DAB1: variants seen among roughly 807,000 people sequenced by gnomAD.
DAB1 encodes the protein DAB adaptor protein 1.
DAB1 carries 15 observed loss-of-function variants against 64.6 expected under a neutral mutation model. The ratio of observed to expected loss-of-function variants is 0.23; its 90% confidence interval spans 0.16 to 0.36. The LOEUF (loss-of-function observed/expected upper bound fraction) is 0.36, where lower values mean the gene tolerates loss of function less well. DAB1 is among the 10% of genes least tolerant of loss of function. The pLI, the probability that DAB1 is intolerant of heterozygous loss-of-function variation, is 1.00. For synonymous variants in DAB1, 235 were observed against 251.9 expected, an observed-to-expected ratio of 0.93 and a Z score of 0.64; for missense variants, 596 against 706.7, an observed-to-expected ratio of 0.84 and a Z score of 1.78.
In DAB1 at chr1:57,438,542, GAAGT is replaced by G. The variant is rs1685784371; in HGVS notation, n.626-147380_626-147377del. Among the ~76,000 whole-genome samples, 3 of 152,138 alleles carry G rather than the reference GAAGT, an allele frequency of 2.0e-5. No homozygotes were observed. The South Asian group carries it at 6.2e-4, about 31-fold the overall frequency. On this transcript the variant is annotated intron_variant and non_coding_transcript_variant, in intron 7 of 20. Transcript: ENST00000485760. ...GACTTATTCCTCTCAATAACACCAT[GAAGT>G]AAGTGCCACTATTATCTCTATTTTC...
At chr1:57,797,253 G>T (rs1300203650) in intron 6 of DAB1, among the ~76,000 whole-genome samples, 2 of 152,150 alleles carry the variant, frequency 1.3e-5, no homozygotes, top group Non-Finnish European at 2.9e-5. Context: ...CCACTAAGCT[G>T]CTCCCATGGC....
At chr1:58,197,339 G>A (rs1657736476) in intron 4 of DAB1, among the ~76,000 whole-genome samples, 1 of 152,092 alleles carries the variant, frequency 6.6e-6, no homozygotes, top group South Asian at 2.1e-4. Context: ...GTCATAGGTT[G>A]GATCTGAGAT....
At chr1:58,135,268 G>A (rs760236962) in intron 5 of DAB1, among the ~76,000 whole-genome samples, 2 of 152,118 alleles carry the variant, frequency 1.3e-5, no homozygotes, top group African/African-American at 4.8e-5. Flanking sequence ...TGCATTCCAG[G>A]AGCCTCCTTC....
intron 7 of DAB1, among the ~76,000 whole-genome samples, chr1:57,640,260 C>T (rs1646112267): frequency 6.6e-6 from 1 of 152,130 alleles, no homozygotes; most frequent in Non-Finnish European, 1.5e-5. Context: ...TTTCCTGCTT[C>T]CTTTTTTTGT....
intron 3 of DAB1, among the ~76,000 whole-genome samples, chr1:58,503,571 G>A (rs549285337): frequency 6.6e-5 from 10 of 152,144 alleles, no homozygotes; most frequent in African/African-American, 2.2e-4. Flanking sequence ...GGAGGTAAGC[G>A]CCTTTGGGAG....
chr1:58,546,519 C>T (rs1037485557), intron 1 of DAB1: 1 of 150,160 alleles, frequency 6.7e-6, no homozygotes, highest in Non-Finnish European at 1.5e-5. Flanking sequence ...CTCCCCTCCA[C>T]GCAGCCTTAT....
At chr1:57,652,115 C>A (rs550463273) in intron 6 of DAB1, among the ~76,000 whole-genome samples, 27 of 152,324 alleles carry the variant, frequency 1.8e-4, no homozygotes, top group African/African-American at 6.0e-4. Context: ...TAATTGCCAG[C>A]TATTATTCAA....
At chr1:57,448,143 A>T (rs1207605317) in intron 7 of DAB1, among the ~76,000 whole-genome samples, 1 of 152,226 alleles carries the variant, frequency 6.6e-6, no homozygotes, top group East Asian at 1.9e-4. Context: ...ATCATTAAGT[A>T]TTCTTAGATA....
At chr1:57,074,333 C>G (rs1241760296) in intron 4 of DAB1, among the ~76,000 whole-genome samples, 1 of 152,058 alleles carries the variant, frequency 6.6e-6, no homozygotes, top group African/African-American at 2.4e-5. Flanking sequence ...ATTACTGAGT[C>G]CATGGAGGGA....
At chr1:57,644,610 C>T (rs1244210983) in intron 7 of DAB1, among the ~76,000 whole-genome samples, 1 of 151,720 alleles carries the variant, frequency 6.6e-6, no homozygotes, top group Non-Finnish European at 1.5e-5. Context: ...TGTACATACA[C>T]ACATATATAA....
At chr1:57,284,047 A>G (rs1672120331) in intron 2 of DAB1, among the ~76,000 whole-genome samples, 1 of 152,226 alleles carries the variant, frequency 6.6e-6, no homozygotes, top group Non-Finnish European at 1.5e-5. Flanking sequence ...ATAAAAATGT[A>G]CTTGCTTTTA....
rs570836815 is a variant in DAB1 at position 58,445,807 on chromosome 1, A to G, written n.257+60253T>C. Among the ~76,000 whole-genome samples the G allele has an allele frequency of 1.1e-3, 160 of 152,282 alleles. 1 individual carries two copies. The highest frequency in any genetic ancestry group is 3.8e-3 in the African/African-American group (158 of 41,562). On this transcript the variant is annotated intron_variant and non_coding_transcript_variant, in intron 3 of 20. Coordinates refer to the DAB1 transcript ENST00000485760. Reference sequence around the variant, plus strand: ...GGAATCACTCCACTTGTTATTCCCAAAAAACATAAGAGAAAGGAGACTTCA... The same window carrying G: ...GGAATCACTCCACTTGTTATTCCCAGAAAACATAAGAGAAAGGAGACTTCA...
chr1:57,465,399 A>C (rs2101190833), intron 7 of DAB1, among the ~76,000 whole-genome samples: 1 of 152,320 alleles, frequency 6.6e-6, no homozygotes, highest in Non-Finnish European at 1.5e-5. Context: ...CTGTGGTAGC[A>C]CATACAATGT....
intron 1 of DAB1, among the ~76,000 whole-genome samples, chr1:57,398,795 G>A (rs890759921): frequency 2.0e-5 from 3 of 152,176 alleles, no homozygotes; most frequent in African/African-American, 7.2e-5. Context: ...CTGGGCTTGG[G>A]GACAGCCATA....
intron 7 of DAB1, among the ~76,000 whole-genome samples, chr1:57,614,296 A>T (rs1252491498): frequency 6.6e-6 from 1 of 152,232 alleles, no homozygotes; most frequent in East Asian, 1.9e-4. Flanking sequence ...TACTGATCAG[A>T]TCAAACACAA....
chr1:57,605,106 G>C (rs1192266739), intron 7 of DAB1, among the ~76,000 whole-genome samples: 1 of 152,150 alleles, frequency 6.6e-6, no homozygotes, highest in Non-Finnish European at 1.5e-5. Context: ...TTTGGAAGAA[G>C]AACTTTAAAA....
intron 5 of DAB1, among the ~76,000 whole-genome samples, chr1:58,138,441 G>A (rs1007500370): frequency 1.3e-5 from 2 of 152,192 alleles, no homozygotes; most frequent in African/African-American, 2.4e-5. Flanking sequence ...GGTTCTAGAG[G>A]TAGAGAGGGC....
intron 6 of DAB1, among the ~76,000 whole-genome samples, chr1:57,731,850 C>T (rs912915840): frequency 7.9e-5 from 12 of 151,874 alleles, no homozygotes; most frequent in Admixed American, 6.6e-4. Flanking sequence ...ATCACAAGTA[C>T]ACTCCTTACA....
At chr1:58,544,608 T>C (rs934615872) in intron 1 of DAB1, among the ~76,000 whole-genome samples, 1 of 152,208 alleles carries the variant, frequency 6.6e-6, no homozygotes, top group African/African-American at 2.4e-5. Flanking sequence ...TCTTTTCTTT[T>C]CGAGACAGGG....
Sources: gnomAD v4.1 joint callset for allele counts (sites outside exome capture counted in the v4.1 genomes callset) on GRCh38, gnomAD v4.1.1 for gene constraint, MANE v1.5 for transcripts, NCBI Gene and HGNC (gene_info 2026-07-23, HGNC 2026-07-21) for gene names.